Variants in TST observed in about 807,000 individuals in gnomAD.
The protein encoded by TST is epididymis secretory sperm binding protein.
A neutral mutation model predicts 20.4 loss-of-function variants in TST; 22 were observed. The ratio of observed to expected loss-of-function variants is 1.08; its 90% CI spans 0.77 to 1.54. The LOEUF is 1.54. Ranked by LOEUF, TST falls within the 40% of genes most tolerant of loss-of-function variation. The pLI is 0.00. For synonymous variants in TST, 187 were observed against 173.8 expected (o/e 1.08, Z -0.60); for missense variants, 392 against 405.2 (o/e 0.97, Z 0.28).
rs750856853 is a variant in TST, at chr22:37,018,632, G to T, written c.101C>A (p.Ala34Glu). 1 of 1,572,992 alleles carries T rather than the reference G, an allele frequency of 6.4e-7. No homozygotes were observed. Among genetic ancestry groups the T allele is most frequent in the East Asian group, 2.3e-5 (1 of 42,908 alleles). Residue 34 changes from alanine (A) to glutamate (E), a missense_variant, in exon 2 of 3, where the codon GCG (alanine) becomes GAG (glutamate). Transcript: ENST00000249042. ...TCGGGTGCCTGGTGAGTACCAGGAC[G>T]CGTCCAGCACCCGCAGGCCGGGCCC... is the stretch of plus-strand genomic sequence containing the variant. ...KLGPGLRVLD[A>E]SWYSPGTREA...
Position 37,010,935 on chromosome 22 carries a change from T to A in TST, c.*92A>T, listed in dbSNP as rs538156494. 3.5e-5 allele frequency: 53 copies of A among 1,495,494 alleles called. No homozygotes were observed. In the African/African-American group the frequency reaches 7.0e-4, roughly 20 times the overall value. The allele number at this position is 1,495,494 out of a possible 1,614,324, so 92.6% of individuals were successfully genotyped here. A position where few individuals can be genotyped will look rare whatever the true frequency, so the allele number is the denominator to read the frequency against. On this transcript the variant is annotated 3_prime_UTR_variant, in exon 3 of 3. Coordinates refer to ENST00000249042, the MANE Select transcript of TST (RefSeq NM_003312.6). ...GCCTTGCACAGCAATTCTAAAAACA[T>A]GTCATCTCCTTCACCTAAGAGGTAA...
chr22:37,020,120 C>CG (rs1922959402), upstream of TST: 3 of 381,880 alleles, frequency 7.9e-6, no homozygotes, highest in Non-Finnish European at 1.4e-5. Flanking sequence ...CCAGAGAGGG[C>CG]GGGGGAGAGA....
At chr22:37,016,705 C>T (rs2145899470) in intron 2 of TST, among the ~76,000 whole-genome samples, 1 of 152,318 alleles carries the variant, frequency 6.6e-6, no homozygotes, top group Admixed American at 6.5e-5. Flanking sequence ...GAGAGGGCTG[C>T]AGGCGTTCCC....
chr22:37,015,023 C>T (rs1474596683), intron 2 of TST, among the ~76,000 whole-genome samples: 1 of 152,150 alleles, frequency 6.6e-6, no homozygotes, highest in African/African-American at 2.4e-5. Flanking sequence ...GGAGCCACAC[C>T]ATGGAGCCGT....
upstream of TST, chr22:37,019,821 C>A: frequency 1.7e-6 from 2 of 1,191,070 alleles, no homozygotes; most frequent in Non-Finnish European, 2.1e-6. Flanking sequence ...GGAGGGGGCG[C>A]CGCGCCGCGG....
chr22:37,018,314 G>C lies in TST; in HGVS notation c.419C>G (p.Pro140Arg). Residue 140 changes from proline to arginine, a missense_variant, in exon 2 of 3, where the codon CCG becomes CGG. Transcript: ENST00000249042. ...TGGGCGTGAGGGCTCGGATGTCACCGGGTGGCCCTCCTTCAGCCAGTTCCG... is the reference window on the plus strand; with the variant it reads ...TGGGCGTGAGGGCTCGGATGTCACCCGGTGGCCCTCCTTCAGCCAGTTCCG... The part of the protein sequence containing the change: ...GFRNWLKEGH[P>R]VTSEPSRPEP... 1 of 1,613,980 alleles carries C rather than the reference G, an allele frequency of 6.2e-7. No individual in the cohort carries two copies.
At chr22:37,014,097 C>T (rs972343945) in intron 2 of TST, among the ~76,000 whole-genome samples, 2 of 138 alleles carry the variant, frequency 0.014, no homozygotes. Context: ...GGCGCGGTGG[C>T]TACGCCTGTA....
chr22:37,018,237 C>G lies in TST; in HGVS notation c.496G>C (p.Glu166Gln), dbSNP rs370281300. 2.5e-6 allele frequency: 4 copies of G among 1,613,960 alleles called. No homozygotes were observed. The highest frequency in any genetic ancestry group is 3.4e-6 in the Non-Finnish European group (4 of 1,180,004). ...TLDRSLLKTY[E>Q]QVLENLESKR... ...GATTCAAGGTTCTCCAGCACCTGCT[C>G]GTAGGTCTTGAGCAGGGAGCGGTCC... Residue 166 changes from glutamate (E) to glutamine (Q), a missense_variant, in exon 2 of 3, where the codon GAG (glutamate) becomes CAG (glutamine). Coordinates refer to ENST00000249042, the MANE Select transcript of TST (RefSeq NM_003312.6).
chr22:37,017,880 G>A (rs1228669289), intron 2 of TST, among the ~76,000 whole-genome samples: 1 of 152,214 alleles, frequency 6.6e-6, no homozygotes, highest in African/African-American at 2.4e-5. Context: ...CATGTCACCA[G>A]TGACTTCTGC....
intron 2 of TST, chr22:37,013,112 AGCACCCAGTGACCCTG>A (rs1483020548): frequency 6.6e-6 from 1 of 152,136 alleles, no homozygotes; most frequent in African/African-American, 2.4e-5. Flanking sequence ...TGCAGCTAAA[AGCACCCAGTGACCCTG>A]GCAGGCACAC....
At chr22:37,016,785 G>A (rs1922696295) in intron 2 of TST, among the ~76,000 whole-genome samples, 1 of 152,218 alleles carries the variant, frequency 6.6e-6, no homozygotes, top group Non-Finnish European at 1.5e-5. Context: ...GAGCAAGCAG[G>A]CAAGAAAAAT....
At chr22:37,012,224 A>G (rs1432948034) in intron 2 of TST, among the ~76,000 whole-genome samples, 1 of 152,114 alleles carries the variant, frequency 6.6e-6, no homozygotes, top group East Asian at 1.9e-4. Flanking sequence ...GAATAGGGAC[A>G]GTGTGGGCCT....
intron 2 of TST, among the ~76,000 whole-genome samples, chr22:37,013,762 T>C (rs1296406971): frequency 6.6e-6 from 1 of 152,212 alleles, no homozygotes; most frequent in Admixed American, 6.5e-5. Context: ...ATCGAGGGCA[T>C]TCTTTCCCAA....
Position 37,014,457 on chromosome 22 carries a change from CAA to C in TST, c.596-3134_596-3133del, listed in dbSNP as rs529977089. On this transcript the variant is annotated intron_variant, in intron 2 of 2. Transcript: ENST00000249042. ...GCAGAGGCTCCCATGCTTCTCTTCC[CAA>C]GTCTAGCTGAAGGCTTCTGGCTCTC... 3.3e-5 allele frequency among the ~76,000 whole-genome samples: 5 copies of C among 152,362 alleles called. No individual in the cohort carries two copies. In the East Asian group the frequency reaches 9.6e-4, roughly 29 times the overall value.
upstream of TST, chr22:37,019,761 T>G: frequency 1.3e-5 from 8 of 622,720 alleles, no homozygotes; most frequent in African/African-American, 1.9e-5. Context: ...TCTCCTCCCT[T>G]TGGTCCGCTG....
chr22:37,012,325 G>A (rs1004698101), intron 2 of TST, among the ~76,000 whole-genome samples: 2 of 152,224 alleles, frequency 1.3e-5, no homozygotes, highest in Non-Finnish European at 2.9e-5. Flanking sequence ...AGTACCCAGT[G>A]AGGGCCCTCG....
At chr22:37,017,418 A>T (rs999157751) in intron 2 of TST, among the ~76,000 whole-genome samples, 2 of 152,168 alleles carry the variant, frequency 1.3e-5, no homozygotes, top group Non-Finnish European at 2.9e-5. Context: ...CCTGGTTTAT[A>T]GCCCTGGTTT....
intron 2 of TST, among the ~76,000 whole-genome samples, chr22:37,016,664 AAGG>A (rs1344298210): frequency 6.6e-6 from 1 of 152,084 alleles, no homozygotes; most frequent in Non-Finnish European, 1.5e-5. Flanking sequence ...CTTAAATCCC[AAGG>A]AGAAGAGGCG....
intron 2 of TST, among the ~76,000 whole-genome samples, chr22:37,017,765 G>A (rs984132309): frequency 1.6e-4 from 25 of 152,158 alleles, no homozygotes; most frequent in Non-Finnish European, 3.5e-4. Context: ...TGTGTCCGTG[G>A]GAGGTTTCTG....
Sources: allele counts gnomAD v4.1 joint callset (sites outside exome capture counted in the v4.1 genomes callset), GRCh38; gene constraint gnomAD v4.1.1; transcripts MANE v1.5; gene names NCBI Gene and HGNC (gene_info 2026-07-23, HGNC 2026-07-21).